Variants in NAALADL2 observed in about 807,000 individuals in gnomAD.
NAALADL2 encodes inactive N-acetylated-alpha-linked acidic dipeptidase-like protein 2.
NAALADL2 carries 76 observed loss-of-function variants against 87.2 expected under a neutral mutation model. The observed-to-expected ratio is 0.87, with a 90% CI of 0.72 to 1.05. The LOEUF (loss-of-function observed/expected upper bound fraction) is 1.05, where lower values mean the gene tolerates loss of function less well. Among genes scored for constraint, NAALADL2 ranks in the 50% least tolerant of loss-of-function variants. The pLI is 0.00. For synonymous variants in NAALADL2, 354 were observed against 331.0 expected (o/e 1.07, Z -0.75); for missense variants, 1,089 against 945.8 (o/e 1.15, Z -1.99).
chr3:174,783,219 A>G lies in NAALADL2; in HGVS notation c.-9+45473A>G, dbSNP rs1452002212. Among the ~76,000 whole-genome samples, 5 of 152,184 alleles carry G rather than the reference A, an allele frequency of 3.3e-5. No homozygotes were observed. In the East Asian group the frequency reaches 9.6e-4, roughly 29 times the overall value. ...CATGTAAGTATAGAATGGAAAATAT[A>G]GTTTGTGTGATTTCTCACTTGAGGG... On this transcript the variant is annotated intron_variant, in intron 3 of 3. Transcript: ENST00000434257.
At chr3:175,321,325 T>C (rs1465245188) in intron 4 of NAALADL2, among the ~76,000 whole-genome samples, 23 of 119,254 alleles carry the variant, frequency 1.9e-4, no homozygotes, top group African/African-American at 8.4e-4. Flanking sequence ...TAGGTATTGA[T>C]GGGACGTATC....
intron 11 of NAALADL2, among the ~76,000 whole-genome samples, chr3:175,691,520 G>A (rs1005427057): frequency 1.3e-5 from 2 of 151,648 alleles, no homozygotes; most frequent in Admixed American, 6.6e-5. Flanking sequence ...TTTATCAATT[G>A]ACTTTGGGTT....
chr3:174,457,717 A>G (rs1459681759), intron 1 of NAALADL2, among the ~76,000 whole-genome samples: 2 of 152,076 alleles, frequency 1.3e-5, no homozygotes, highest in African/African-American at 4.8e-5. Context: ...TCAGCTACTC[A>G]GGAGATTTGC....
intron 1 of NAALADL2, among the ~76,000 whole-genome samples, chr3:175,075,599 T>G (rs928323831): frequency 1.3e-5 from 2 of 152,176 alleles, no homozygotes; most frequent in African/African-American, 4.8e-5. Context: ...GTTTTGATAC[T>G]AATCATTTCC....
At chr3:175,579,383 A>G (rs113034098) in intron 10 of NAALADL2, among the ~76,000 whole-genome samples, 2 of 152,162 alleles carry the variant, frequency 1.3e-5, no homozygotes, top group Non-Finnish European at 2.9e-5. Context: ...TGTAATATCT[A>G]TCCCCAATAT....
At chr3:174,673,363 C>A (rs1726748560) in intron 2 of NAALADL2, among the ~76,000 whole-genome samples, 1 of 151,884 alleles carries the variant, frequency 6.6e-6, no homozygotes. Flanking sequence ...CTGTGAGAAT[C>A]TGGGGCAGCA....
At chr3:174,921,453 T>G (rs1273667318) in intron 1 of NAALADL2, among the ~76,000 whole-genome samples, 2 of 152,126 alleles carry the variant, frequency 1.3e-5, no homozygotes, top group Non-Finnish European at 2.9e-5. Context: ...ATAAAAATAT[T>G]CAAATGTGAC....
chr3:174,620,428 G>A (rs1354370420), intron 2 of NAALADL2, among the ~76,000 whole-genome samples: 1 of 66,586 alleles, frequency 1.5e-5, no homozygotes, highest in Non-Finnish European at 5.1e-5. Flanking sequence ...GTTTATGTGT[G>A]TTTTTTGTTT....
At chr3:174,517,519 A>G (rs989748053) in intron 1 of NAALADL2, among the ~76,000 whole-genome samples, 1 of 152,142 alleles carries the variant, frequency 6.6e-6, no homozygotes, top group African/African-American at 2.4e-5. Context: ...TCACTTTAAA[A>G]ATAATTTTAT....
At chr3:175,754,982 T>G (rs1289371525) in intron 12 of NAALADL2, among the ~76,000 whole-genome samples, 1 of 152,160 alleles carries the variant, frequency 6.6e-6, no homozygotes, top group Non-Finnish European at 1.5e-5. Flanking sequence ...AAATATATTC[T>G]CAAAGTTCAA....
At chr3:175,513,374 C>T (rs557584771) in intron 9 of NAALADL2, among the ~76,000 whole-genome samples, 23 of 152,180 alleles carry the variant, frequency 1.5e-4, no homozygotes, top group African/African-American at 4.3e-4. Context: ...CCACTTTTTG[C>T]GTGCTCAAAA....
At chr3:175,565,517 G>A (rs779533852) in intron 9 of NAALADL2, among the ~76,000 whole-genome samples, 6 of 151,940 alleles carry the variant, frequency 3.9e-5, no homozygotes, top group Non-Finnish European at 8.8e-5. Flanking sequence ...ATTCTCTCCT[G>A]GTGTCCTGCT....
chr3:174,607,561 A>G (rs1353789718), intron 2 of NAALADL2, among the ~76,000 whole-genome samples: 1 of 150,666 alleles, frequency 6.6e-6, no homozygotes, highest in Non-Finnish European at 1.5e-5. Flanking sequence ...AGATCAAAAG[A>G]GACAAAGAAG....
At chr3:174,902,466 G>A (rs1732432410) in intron 1 of NAALADL2, among the ~76,000 whole-genome samples, 1 of 151,944 alleles carries the variant, frequency 6.6e-6, no homozygotes, top group East Asian at 1.9e-4. Context: ...ACTAAAATAA[G>A]TTGCAACTAA....
intron 3 of NAALADL2, among the ~76,000 whole-genome samples, chr3:174,777,477 A>T (rs1348875367): frequency 6.6e-6 from 1 of 152,122 alleles, no homozygotes; most frequent in Non-Finnish European, 1.5e-5. Flanking sequence ...ATATCATCAA[A>T]ATTTCTGGTC....
intron 1 of NAALADL2, among the ~76,000 whole-genome samples, chr3:174,506,105 T>G (rs1452965405): frequency 6.6e-6 from 1 of 152,100 alleles, no homozygotes; most frequent in East Asian, 1.9e-4. Context: ...TCAATAAGTT[T>G]ACTCTGAAGA....
chr3:174,543,069 G>A (rs1722391239), intron 1 of NAALADL2, among the ~76,000 whole-genome samples: 2 of 152,168 alleles, frequency 1.3e-5, no homozygotes, highest in South Asian at 4.1e-4. Context: ...TAACGTCAGG[G>A]AGATTGATAG....
intron 3 of NAALADL2, among the ~76,000 whole-genome samples, chr3:174,771,354 G>A (rs1714529799): frequency 6.6e-6 from 1 of 152,140 alleles, no homozygotes; most frequent in Non-Finnish European, 1.5e-5. Context: ...AGTATATATT[G>A]ATAGAAAATA....
At chr3:175,136,263 G>A (rs1343910949) in intron 2 of NAALADL2, among the ~76,000 whole-genome samples, 2 of 152,154 alleles carry the variant, frequency 1.3e-5, no homozygotes, top group Non-Finnish European at 2.9e-5. Context: ...AGATTGTGGG[G>A]CCAAGAGTTT....
Sources: gnomAD v4.1 joint callset for allele counts (sites outside exome capture counted in the v4.1 genomes callset) on GRCh38, gnomAD v4.1.1 for gene constraint, MANE v1.5 for transcripts, NCBI Gene and HGNC (gene_info 2026-07-23, HGNC 2026-07-21) for gene names.